Variants in DROSHA observed in about 807,000 individuals in gnomAD.
The protein encoded by DROSHA is drosha ribonuclease III.
In DROSHA, 56 loss-of-function variants were observed where a neutral mutation model predicts 181.9. The ratio of observed to expected loss-of-function variants is 0.31; its 90% confidence interval spans 0.25 to 0.38. The LOEUF is 0.38. Among genes scored for constraint, DROSHA ranks in the 10% least tolerant of loss-of-function variants. DROSHA has a pLI of 1.00. For synonymous variants in DROSHA, 524 were observed against 591.2 expected, an observed-to-expected ratio of 0.89 and a Z score of 1.65; for missense variants, 1,218 against 1,743.5, an observed-to-expected ratio of 0.70 and a Z score of 5.37.
chr5:31,482,565 G>T (rs1751154561), intron 16 of DROSHA, among the ~76,000 whole-genome samples: 1 of 152,178 alleles, frequency 6.6e-6, no homozygotes, highest in Admixed American at 6.5e-5. Flanking sequence ...AAGCGGCTGA[G>T]TGGTGACAAT....
intron 17 of DROSHA, among the ~76,000 whole-genome samples, chr5:31,471,429 A>G (rs1749710988): frequency 6.6e-6 from 1 of 152,150 alleles, no homozygotes; most frequent in Admixed American, 6.5e-5. Flanking sequence ...ATGTCTTTAT[A>G]TAAGAACTAG....
intron 14 of DROSHA, among the ~76,000 whole-genome samples, chr5:31,486,239 T>C (rs750114824): frequency 1.3e-5 from 2 of 152,120 alleles, no homozygotes; most frequent in Non-Finnish European, 2.9e-5. Flanking sequence ...TAGAAACAGA[T>C]GTAAAGTTAA....
chr5:31,454,380 G>C (rs1470456225), intron 20 of DROSHA, among the ~76,000 whole-genome samples: 2 of 152,158 alleles, frequency 1.3e-5, no homozygotes, highest in African/African-American at 4.8e-5. Flanking sequence ...GCAAAAGAGA[G>C]GAGGCCCAGA....
chr5:31,497,992 T>C (rs573128435), intron 11 of DROSHA, among the ~76,000 whole-genome samples: 1 of 152,362 alleles, frequency 6.6e-6, no homozygotes, highest in African/African-American at 2.4e-5. Context: ...TGGAGGATCC[T>C]TCTCCTTTGC....
intron 20 of DROSHA, among the ~76,000 whole-genome samples, chr5:31,462,917 A>T (rs955875348): frequency 6.6e-6 from 1 of 152,172 alleles, no homozygotes; most frequent in African/African-American, 2.4e-5. Context: ...TCTAGTTCTT[A>T]ATGCTCAACA....
intron 20 of DROSHA, among the ~76,000 whole-genome samples, chr5:31,463,548 T>G (rs1748650864): frequency 6.6e-6 from 1 of 152,208 alleles, no homozygotes; most frequent in South Asian, 2.1e-4. Context: ...ACTCATTTCC[T>G]TTACTGTAAT....
intron 4 of DROSHA, among the ~76,000 whole-genome samples, chr5:31,528,119 C>T (rs1740811327): frequency 6.6e-6 from 1 of 152,096 alleles, no homozygotes. Flanking sequence ...TGCTAGGGGG[C>T]CTTTAACCGT....
At chr5:31,511,224 A>G (rs770811197) in intron 8 of DROSHA, 48 bp from the exon 9 acceptor site, 3 of 1,528,746 alleles carry the variant, frequency 2.0e-6, no homozygotes, top group Non-Finnish European at 2.7e-6. Flanking sequence ...AATAACGATC[A>G]TATCAAAGAT....
chr5:31,488,390 G>A (rs914807887), intron 13 of DROSHA, among the ~76,000 whole-genome samples: 16 of 136,034 alleles, frequency 1.2e-4, no homozygotes, highest in Non-Finnish European at 2.1e-4. Flanking sequence ...TCCAGCCTGG[G>A]CAAAAGAGCA....
chr5:31,526,450 C>G lies in DROSHA; in HGVS notation c.483G>C (p.Pro161=). Residue 161 remains proline, a synonymous_variant, in exon 5 of 36, where the codon CCG becomes CCC. Coordinates refer to ENST00000344624, the MANE Select transcript of DROSHA (RefSeq NM_001382508.1). The part of the protein sequence containing the change: ...MPHPPPPPVM[P]QQVNYQYPPG... Reference sequence around the variant, plus strand: ...GAGGGTACTGATAATTAACCTGCTGCGGCATGACTGGAGGGGGCGGGGGAT... The same window carrying G: ...GAGGGTACTGATAATTAACCTGCTGGGGCATGACTGGAGGGGGCGGGGGAT... 6.6e-7 allele frequency: 1 copy of G among 1,521,324 alleles called. No individual in the cohort carries two copies. Among genetic ancestry groups the G allele is most frequent in the Non-Finnish European group, 9.0e-7 (1 of 1,108,504 alleles). The allele number at this position is 1,521,324 out of a possible 1,614,324, so 94.2% of individuals were successfully genotyped here. A position where few individuals can be genotyped will look rare whatever the true frequency, so the allele number is the denominator to read the frequency against.
chr5:31,452,809 T>TA (rs1283793391), intron 20 of DROSHA, among the ~76,000 whole-genome samples: 2 of 152,372 alleles, frequency 1.3e-5, no homozygotes, highest in East Asian at 3.9e-4. Flanking sequence ...TGTAAGGCCT[T>TA]ACAATATGTG....
At position 31,464,169 on chromosome 5, in the gene DROSHA, T is replaced by G. The variant is rs896780559; in HGVS notation, c.2574+67A>C. The G allele has an allele frequency of 3.0e-5, 40 of 1,335,954 alleles. 2 individuals are homozygous for G. The Middle Eastern group carries it at 1.1e-3, about 37-fold the overall frequency. The allele number at this position is 1,335,954 out of a possible 1,614,324, so 82.8% of individuals were successfully genotyped here. ...AAGAACATTCTCAATTAAGAAACCC[T>G]CAGTACCAGATTTGTTTTAAAGGAA... On this transcript the variant is annotated intron_variant, in intron 20 of 35. Transcript: ENST00000344624.
Position 31,407,032 on chromosome 5 carries a change from G to C in DROSHA, c.3855-87C>G, listed in dbSNP as rs507816. Reference sequence around the variant, plus strand: ...AACTATGAGGAAAACCATGTACTTAGTGCCTAGACAGAGTTAAGTAAAATA... The same window carrying C: ...AACTATGAGGAAAACCATGTACTTACTGCCTAGACAGAGTTAAGTAAAATA... On this transcript the variant is annotated intron_variant, in intron 33 of 35. Transcript: ENST00000344624. The C allele has an allele frequency of 0.46, 486,295 of 1,066,602 alleles. 114,422 individuals are homozygous for C. Among genetic ancestry groups the C allele is most frequent in the East Asian group, 0.72 (26,709 of 36,894 alleles). 66.1% of individuals were successfully genotyped at this position (1,066,602 alleles called of 1,614,324 possible).
chr5:31,449,469 T>A (rs1237027767), intron 21 of DROSHA, 50 bp from the exon 22 acceptor site: 2 of 1,532,074 alleles, frequency 1.3e-6, no homozygotes, highest in Admixed American at 2.0e-5. Context: ...ATAAACTGGG[T>A]GCAGTGGCTC....
chr5:31,425,301 A>G (rs2149998083), intron 27 of DROSHA, among the ~76,000 whole-genome samples: 1 of 152,336 alleles, frequency 6.6e-6, no homozygotes, highest in Admixed American at 6.5e-5. Flanking sequence ...TATTTCTTGC[A>G]CAACTGATAT....
In DROSHA at chr5:31,493,220, G is replaced by C; in HGVS notation, c.1829C>G (p.Ala610Gly). The C allele has an allele frequency of 6.2e-7, 1 of 1,606,464 alleles. No individual in the cohort carries two copies. The highest frequency in any genetic ancestry group is 8.5e-7 in the Non-Finnish European group (1 of 1,176,844). ...IFEGFSMFAH[A>G]PLTNIPLCKV... ...GCACATACTTACATTGGTCAGGGGG[G>C]CATGTGCAAACATAGAAAATCCTTC... is the stretch of plus-strand genomic sequence containing the variant. The change falls in exon 13 of 36, where the codon GCC (alanine) becomes GGC (glycine). Residue 610 changes from alanine (A) to glycine (G), a missense_variant. Ala to Gly is a moderately conservative substitution (Grantham distance 60, BLOSUM62 0). This residue lies in a region of DROSHA where 460 missense variants were observed against 774.2 expected (regional missense o/e 0.59). Transcript: ENST00000344624.
At chr5:31,439,162 C>T (rs1266481270) in intron 23 of DROSHA, among the ~76,000 whole-genome samples, 4 of 152,156 alleles carry the variant, frequency 2.6e-5, no homozygotes, top group African/African-American at 9.7e-5. Flanking sequence ...ATGGTTTCAC[C>T]TTCCACTGTT....
Position 31,473,068 on chromosome 5 carries a change from AAAGGACAAGAGCCCTGAAGAGGAC to A in DROSHA, c.2072-860_2072-837del, listed in dbSNP as rs150477255. On this transcript the variant is annotated intron_variant, in intron 16 of 35. Coordinates refer to ENST00000344624, the MANE Select transcript of DROSHA (RefSeq NM_001382508.1). ...TTTCTTTGCCTACACCCAACCAAAC[AAAGGACAAGAGCCCTGAAGAGGAC>A]AATCATTACCCTCTCCCAGGTTATG... 8.6e-3 allele frequency among the ~76,000 whole-genome samples: 1,317 copies of A among 152,340 alleles called. 24 individuals are homozygous for A. Among genetic ancestry groups the A allele is most frequent in the African/African-American group, 0.03 (1,242 of 41,572 alleles).
intron 18 of DROSHA, chr5:31,466,535 A>G (rs1020875914): frequency 3.2e-6 from 1 of 310,076 alleles, no homozygotes; most frequent in East Asian, 6.6e-5. Flanking sequence ...GACTATATGA[A>G]TGAATCTCTG....
Sources: allele counts gnomAD v4.1 joint callset (sites outside exome capture counted in the v4.1 genomes callset), GRCh38; gene constraint gnomAD v4.1.1; regional missense constraint gnomAD v4.1.1; transcripts MANE v1.5; gene names NCBI Gene and HGNC (gene_info 2026-07-23, HGNC 2026-07-21).